Variants in PRXL2A observed in about 807,000 individuals in gnomAD.
PRXL2A encodes peroxiredoxin-like 2A.
Under a neutral mutation model 25.6 loss-of-function variants are expected in PRXL2A, and 26 were observed. The ratio of observed to expected loss-of-function variants is 1.02; its 90% CI spans 0.74 to 1.41. The LOEUF (loss-of-function observed/expected upper bound fraction) is 1.41. Among genes scored for constraint, PRXL2A ranks in the 40% most tolerant of loss-of-function variants. The pLI is 0.00. For synonymous variants in PRXL2A, 98 were observed against 102.9 expected, an observed-to-expected ratio of 0.95 and a Z score of 0.29; for missense variants, 246 against 273.9, an observed-to-expected ratio of 0.90 and a Z score of 0.72.
chr10:80,417,863 G>A (rs896901223), intron 1 of PRXL2A, among the ~76,000 whole-genome samples: 6 of 150,372 alleles, frequency 4.0e-5, no homozygotes, highest in African/African-American at 7.4e-5. Flanking sequence ...GACCACAGGC[G>A]TGTGCCACCA....
At chr10:80,427,559 C>CTTCTGGTTGGAGTCT in intron 5 of PRXL2A, 63 bp downstream of exon 5, 2 of 1,555,688 alleles carry the variant, frequency 1.3e-6, no homozygotes, top group Non-Finnish European at 1.8e-6. Context: ...GAGACTCCAA[C>CTTCTGGTTGGAGTCT]CAGAAGCTGG....
rs1486154066 is a variant in PRXL2A, at chr10:80,432,950, G to GA, written c.*857dup. 2.0e-5 allele frequency: 3 copies of GA among 152,086 alleles called. No individual in the cohort carries two copies. The highest frequency in any genetic ancestry group is 7.2e-5 in the African/African-American group (3 of 41,404). 9.4% of individuals were successfully genotyped at this position (152,086 alleles called of 1,614,324 possible). The stretch of plus-strand genomic sequence containing the variant: ...CTAACCTCAGAGATCTGTTTCTCTA[G>GA]AAAAAATGTCCATCTCTGGCTTTAA... On this transcript the variant is annotated 3_prime_UTR_variant, in exon 6 of 6. Transcript: ENST00000606162.
Position 80,432,178 on chromosome 10 carries a change from C to A in PRXL2A, c.*79C>A, listed in dbSNP as rs1205326447. On this transcript the variant is annotated 3_prime_UTR_variant, in exon 6 of 6. Transcript: ENST00000606162. ...GGGATGTATTGTTTCCACTCGTGTC[C>A]CTAAGGAGTGAGAAACCCATTTATA... is the stretch of plus-strand genomic sequence containing the variant. 2.4e-6 allele frequency: 2 copies of A among 825,606 alleles called. No homozygotes were observed. The highest frequency in any genetic ancestry group is 4.0e-6 in the Non-Finnish European group (2 of 501,730). The allele number at this position is 825,606 out of a possible 1,614,324, so 51.1% of individuals were successfully genotyped here.
chr10:80,427,264 G>A (rs1845072891), intron 4 of PRXL2A, 68 bp from the exon 5 acceptor site: 1 of 1,427,030 alleles, frequency 7.0e-7, no homozygotes, highest in South Asian at 1.2e-5. Context: ...CCCGTCAGGA[G>A]CGTTTCCTCC....
intron 2 of PRXL2A, among the ~76,000 whole-genome samples, chr10:80,421,845 G>A (rs1424486354): frequency 1.3e-5 from 2 of 152,108 alleles, no homozygotes; most frequent in African/African-American, 4.8e-5. Context: ...TTTTACAAAT[G>A]AGGAAGCTGA....
chr10:80,429,043 A>T (rs1385643476), intron 5 of PRXL2A, among the ~76,000 whole-genome samples: 2 of 152,024 alleles, frequency 1.3e-5, no homozygotes, highest in Admixed American at 6.5e-5. Context: ...CTGAGACTAC[A>T]GGCACCCACC....
At chr10:80,424,870 T>C (rs890642550) in intron 3 of PRXL2A, among the ~76,000 whole-genome samples, 1 of 152,162 alleles carries the variant, frequency 6.6e-6, no homozygotes, top group Non-Finnish European at 1.5e-5. Context: ...CAAGACTCCA[T>C]CTCAAAAATA....
At chr10:80,409,968 G>A (rs1024792892) in intron 1 of PRXL2A, among the ~76,000 whole-genome samples, 9 of 152,158 alleles carry the variant, frequency 5.9e-5, no homozygotes, top group East Asian at 5.8e-4. Flanking sequence ...CTATATCCCC[G>A]TCTTTTATAA....
At chr10:80,409,239 A>T (rs1446463653) in intron 1 of PRXL2A, among the ~76,000 whole-genome samples, 1 of 152,198 alleles carries the variant, frequency 6.6e-6, no homozygotes, top group Non-Finnish European at 1.5e-5. Context: ...TGTAAACTTA[A>T]CAGCCCTGCT....
rs1158940958 is a variant in PRXL2A at position 80,433,481 on chromosome 10, G to C, written c.*1382G>C. ...GGACTGGCCCAGCCAGGAGGAGAAAGGAATCAGTGTTTACCCAGGAAAGCA... is the reference window on the plus strand; with the variant it reads ...GGACTGGCCCAGCCAGGAGGAGAAACGAATCAGTGTTTACCCAGGAAAGCA... On this transcript the variant is annotated 3_prime_UTR_variant, in exon 6 of 6. Coordinates refer to ENST00000606162, the MANE Select transcript of PRXL2A (RefSeq NM_032333.5). 6.6e-6 allele frequency: 1 copy of C among 152,298 alleles called. No individual in the cohort carries two copies. Among genetic ancestry groups the C allele is most frequent in the East Asian group, 1.9e-4 (1 of 5,186 alleles). The allele number at this position is 152,298 out of a possible 1,614,324, so 9.4% of individuals were successfully genotyped here.
rs1015764875 is a variant in PRXL2A, at chr10:80,420,439, G to A, written c.-2-27G>A. Reference sequence around the variant, plus strand: ...CCAGCTACCCTGTGGGAGCAGTAACGCCTTCTTCCTTCTTCTCAATCTCCA... The same window carrying A: ...CCAGCTACCCTGTGGGAGCAGTAACACCTTCTTCCTTCTTCTCAATCTCCA... On this transcript the variant is annotated intron_variant, in intron 1 of 5. Coordinates refer to ENST00000606162, the MANE Select transcript of PRXL2A (RefSeq NM_032333.5). 52 of 1,546,960 alleles carry A rather than the reference G, an allele frequency of 3.4e-5. No homozygotes were observed. In the South Asian group the frequency reaches 4.0e-4, roughly 12 times the overall value.
At chr10:80,417,639 C>T (rs1844707686) in intron 1 of PRXL2A, among the ~76,000 whole-genome samples, 1 of 152,148 alleles carries the variant, frequency 6.6e-6, no homozygotes, top group South Asian at 2.1e-4. Flanking sequence ...TGATTTTCCC[C>T]TTCTTTTTCC....
At position 80,434,898 on chromosome 10, in the gene PRXL2A, A is replaced by G. The variant is rs959613292; in HGVS notation, c.*2799A>G. 7.2e-5 allele frequency: 11 copies of G among 152,214 alleles called. No homozygotes were observed. The highest frequency in any genetic ancestry group is 2.4e-4 in the African/African-American group (10 of 41,460). The allele number at this position is 152,214 out of a possible 1,614,324, so 9.4% of individuals were successfully genotyped here. A position where few individuals can be genotyped will look rare whatever the true frequency, so the allele number is the denominator to read the frequency against. On this transcript the variant is annotated 3_prime_UTR_variant, in exon 6 of 6. Transcript: ENST00000606162. ...GGACAGAAAGGATTTACAATTGTAA[A>G]TTTTATAAAGTATGTCCTCTAAGAA... is the stretch of plus-strand genomic sequence containing the variant.
At chr10:80,430,967 G>C (rs575861166) in intron 5 of PRXL2A, among the ~76,000 whole-genome samples, 1 of 152,272 alleles carries the variant, frequency 6.6e-6, no homozygotes, top group African/African-American at 2.4e-5. Context: ...TCGGCTCACT[G>C]CAACCTCCGC....
rs1319648655 is a variant in PRXL2A at position 80,433,751 on chromosome 10, C to T, written c.*1652C>T. 6.6e-6 allele frequency: 1 copy of T among 152,204 alleles called. No homozygotes were observed. The highest frequency in any genetic ancestry group is 1.9e-4 in the East Asian group (1 of 5,192). The allele number at this position is 152,204 out of a possible 1,614,324, so 9.4% of individuals were successfully genotyped here. A position where few individuals can be genotyped will look rare whatever the true frequency, so the allele number is the denominator to read the frequency against. ...GTTGGTACCTGTCATCCTTGGGACT[C>T]CAGCTACTGATAGGATAACTCAGTA... On this transcript the variant is annotated 3_prime_UTR_variant, in exon 6 of 6. Transcript: ENST00000606162.
At chr10:80,413,140 C>G (rs1021891796) in intron 1 of PRXL2A, among the ~76,000 whole-genome samples, 1 of 151,324 alleles carries the variant, frequency 6.6e-6, no homozygotes. Context: ...ACTGTCCCCC[C>G]TCCCTGCCCC....
At chr10:80,417,647 T>G (rs996428002) in intron 1 of PRXL2A, among the ~76,000 whole-genome samples, 3 of 152,142 alleles carry the variant, frequency 2.0e-5, no homozygotes, top group Non-Finnish European at 4.4e-5. Flanking sequence ...CCCTTCTTTT[T>G]CCGCTTCCCA....
At chr10:80,424,732 G>A (rs1033529724) in intron 3 of PRXL2A, among the ~76,000 whole-genome samples, 4 of 152,192 alleles carry the variant, frequency 2.6e-5, no homozygotes, top group East Asian at 1.9e-4. Flanking sequence ...GTGGTGGTGC[G>A]CCCCTGTAAT....
At chr10:80,414,178 A>G (rs919604167) in intron 1 of PRXL2A, among the ~76,000 whole-genome samples, 3 of 152,204 alleles carry the variant, frequency 2.0e-5, no homozygotes, top group African/African-American at 7.2e-5. Flanking sequence ...GTCCTCTTGC[A>G]CCCATGTTCA....
Sources: allele counts gnomAD v4.1 joint callset (sites outside exome capture counted in the v4.1 genomes callset), GRCh38; gene constraint gnomAD v4.1.1; transcripts MANE v1.5; gene names NCBI Gene and HGNC (gene_info 2026-07-23, HGNC 2026-07-21).